Variants in VIP observed in about 807,000 individuals in gnomAD.
The protein encoded by VIP is VIP peptides.
In VIP, 18 loss-of-function variants were observed where a neutral mutation model predicts 20.1. The ratio of observed to expected loss-of-function variants is 0.90; its 90% CI spans 0.62 to 1.33. VIP has a LOEUF of 1.33. Ranked by LOEUF, VIP falls within the 40% of genes most tolerant of loss-of-function variation. The probability of loss-of-function intolerance (pLI) is 0.00; values close to 1 mark genes in which losing one functional copy is unlikely to be tolerated. For synonymous variants in VIP, 70 were observed against 68.1 expected, an observed-to-expected ratio of 1.03 and a Z score of -0.14; for missense variants, 209 against 199.4, an observed-to-expected ratio of 1.05 and a Z score of -0.29.
At chr6:152,755,397 T>A in intron 4 of VIP, 24 bp downstream of exon 4, 1 of 1,321,136 alleles carries the variant, frequency 7.6e-7, no homozygotes, top group South Asian at 1.5e-5. Flanking sequence ...ATTATTTTTA[T>A]AAAATATGTT....
intron 2 of VIP, among the ~76,000 whole-genome samples, chr6:152,753,240 T>A (rs912027139): frequency 2.6e-5 from 4 of 152,116 alleles, no homozygotes; most frequent in African/African-American, 9.6e-5. Flanking sequence ...ATCACAAGAA[T>A]GTGGACATTT....
chr6:152,758,701 C>T (rs150639329), intron 6 of VIP, among the ~76,000 whole-genome samples: 2 of 152,042 alleles, frequency 1.3e-5, no homozygotes, highest in Admixed American at 6.6e-5. Flanking sequence ...GTTAGTTAGA[C>T]GTCTTTTCAC....
At chr6:152,756,323 G>C in intron 5 of VIP, 58 bp downstream of exon 5, 1 of 1,554,200 alleles carries the variant, frequency 6.4e-7, no homozygotes, top group African/African-American at 1.4e-5. Flanking sequence ...CAAAATAGAA[G>C]CTGCACATGG....
chr6:152,755,225 A>T (rs2099730245), intron 3 of VIP, 44 bp from the exon 4 acceptor site: 1 of 1,288,204 alleles, frequency 7.8e-7, no homozygotes, highest in East Asian at 2.4e-5. Context: ...TATTCTAGAA[A>T]GCCATTTACA....
chr6:152,752,252 A>G lies in VIP; in HGVS notation c.75A>G (p.Ala25=). ...GTGTGCTCTTCTCACAGACTTCGGC[A>G]TGGCCTCTTTACAGGGCACCTTCTG... The part of the protein sequence containing the change: ...LLSVLFSQTS[A]WPLYRAPSAL... The change falls in exon 2 of 7, where the codon GCA becomes GCG. Residue 25 remains alanine (A), a synonymous_variant. Transcript: ENST00000367244. 1.9e-6 allele frequency: 3 copies of G among 1,613,528 alleles called. No individual in the cohort carries two copies. Among genetic ancestry groups the G allele is most frequent in the Non-Finnish European group, 2.5e-6 (3 of 1,179,672 alleles).
intron 4 of VIP, among the ~76,000 whole-genome samples, chr6:152,755,638 C>T (rs1440667108): frequency 6.6e-6 from 1 of 151,688 alleles, no homozygotes; most frequent in Non-Finnish European, 1.5e-5. Context: ...TCAAATTGAA[C>T]AAGACTCAGT....
At chr6:152,751,325 T>G (rs2129073989) in intron 1 of VIP, among the ~76,000 whole-genome samples, 1 of 152,228 alleles carries the variant, frequency 6.6e-6, no homozygotes, top group East Asian at 1.9e-4. Context: ...TTTTTTTTCC[T>G]ATTTCGTATG....
chr6:152,750,991 T>C (rs1019432143), intron 1 of VIP, 32 bp downstream of exon 1: 1 of 152,198 alleles, frequency 6.6e-6, no homozygotes, highest in East Asian at 1.9e-4. Context: ...CCTCTTCTTT[T>C]TCCCTCCTGC....
At chr6:152,752,107 C>A in intron 1 of VIP, 61 bp from the exon 2 acceptor site, 1 of 1,229,106 alleles carries the variant, frequency 8.1e-7, no homozygotes, top group Non-Finnish European at 1.2e-6. Flanking sequence ...GCTAGACAAT[C>A]AGAATTACCT....
rs1565405993 is a variant in VIP, at chr6:152,757,010, C to G, written c.468-86C>G. The G allele has an allele frequency of 6.8e-6, 9 of 1,322,174 alleles. No homozygotes were observed. In the East Asian group the frequency reaches 1.7e-4, roughly 25 times the overall value. 81.9% of individuals were successfully genotyped at this position (1,322,174 alleles called of 1,614,324 possible). On this transcript the variant is annotated intron_variant, in intron 5 of 6. Coordinates refer to ENST00000367244, the MANE Select transcript of VIP (RefSeq NM_003381.4). The stretch of plus-strand genomic sequence containing the variant: ...CCATACACTTTCAGAGCACAGAGAA[C>G]AGCACATTCATTATGTCATAATAGT...
At chr6:152,751,591 A>G (rs1365918255) in intron 1 of VIP, among the ~76,000 whole-genome samples, 1 of 152,166 alleles carries the variant, frequency 6.6e-6, no homozygotes, top group Non-Finnish European at 1.5e-5. Flanking sequence ...CTGAGTTAAG[A>G]AGTTCAAATC....
At chr6:152,754,075 G>A in intron 2 of VIP, 91 bp from the exon 3 acceptor site, 1 of 1,396,710 alleles carries the variant, frequency 7.2e-7, no homozygotes, top group Non-Finnish European at 9.6e-7. Context: ...CTTCCCAAGA[G>A]TCTAAGTATC....
At chr6:152,752,377 A>G in intron 2 of VIP, 93 bp downstream of exon 2, 1 of 958,628 alleles carries the variant, frequency 1.0e-6, no homozygotes, top group East Asian at 2.7e-5. Context: ...AATAGTATAA[A>G]TTATGTATTA....
chr6:152,757,534 G>T (rs779515314), intron 6 of VIP, among the ~76,000 whole-genome samples: 1 of 151,818 alleles, frequency 6.6e-6, no homozygotes, highest in Non-Finnish European at 1.5e-5. Flanking sequence ...TTTGAGGATC[G>T]ACCCATGCTG....
chr6:152,755,385 T>A lies in VIP; in HGVS notation c.335+12T>A. On this transcript the variant is annotated intron_variant, in intron 4 of 6. Transcript: ENST00000367244. ...GGAAAACGTGTTAGGTAAAGAGAAT[T>A]TATTATTTTTATAAAATATGTTATC... is the stretch of plus-strand genomic sequence containing the variant. The A allele has an allele frequency of 1.4e-6, 2 of 1,393,468 alleles. No individual in the cohort carries two copies. The highest frequency in any genetic ancestry group is 2.0e-6 in the Non-Finnish European group (2 of 1,025,128). 86.3% of individuals were successfully genotyped at this position (1,393,468 alleles called of 1,614,324 possible). A position where few individuals can be genotyped will look rare whatever the true frequency, so the allele number is the denominator to read the frequency against.
intron 1 of VIP, 67 bp from the exon 2 acceptor site, chr6:152,752,101 G>C: frequency 8.6e-7 from 1 of 1,156,726 alleles, no homozygotes; most frequent in Non-Finnish European, 1.3e-6. Context: ...ATTACTGCTA[G>C]ACAATCAGAA....
At chr6:152,754,045 C>T (rs1416822182) in intron 2 of VIP, 121 bp from the exon 3 acceptor site, 1 of 1,102,656 alleles carries the variant, frequency 9.1e-7, no homozygotes, top group East Asian at 2.7e-5. Context: ...ATGCTATTCT[C>T]ATATTATGAC....
chr6:152,757,028 A>T (rs1045705875), intron 5 of VIP, 68 bp from the exon 6 acceptor site: 37 of 1,491,602 alleles, frequency 2.5e-5, no homozygotes, highest in Non-Finnish European at 3.0e-5. Context: ...TCATTATGTC[A>T]TAATAGTTTC....
rs557227775 is a variant in VIP at position 152,754,456 on chromosome 6, G to C, written c.230+168G>C. 2.0e-5 allele frequency among the ~76,000 whole-genome samples: 3 copies of C among 152,072 alleles called. No homozygotes were observed. The East Asian group carries it at 5.8e-4, about 29-fold the overall frequency. Reference sequence around the variant, plus strand: ...ATCCTGATTTACTGCAGATCTTACAGCTGTACATAATTTTCATACTGAAAG... The same window carrying C: ...ATCCTGATTTACTGCAGATCTTACACCTGTACATAATTTTCATACTGAAAG... On this transcript the variant is annotated intron_variant, in intron 3 of 6. Coordinates refer to ENST00000367244, the MANE Select transcript of VIP (RefSeq NM_003381.4).
Sources: gnomAD v4.1 joint callset for allele counts (sites outside exome capture counted in the v4.1 genomes callset) on GRCh38, gnomAD v4.1.1 for gene constraint, MANE v1.5 for transcripts, NCBI Gene and HGNC (gene_info 2026-07-23, HGNC 2026-07-21) for gene names.